The following PLCXD3 variants were observed in gnomAD, a reference collection of about 807,000 sequenced individuals.
The protein encoded by PLCXD3 is phosphatidylinositol specific phospholipase C X domain containing 3.
Under a neutral mutation model 25.5 loss-of-function variants are expected in PLCXD3, and 19 were observed. That is an observed-to-expected ratio of 0.75 (90% CI 0.52 to 1.09). PLCXD3 has a LOEUF of 1.09. PLCXD3 is among the 50% of genes least tolerant of loss of function. The pLI, the probability that PLCXD3 is intolerant of heterozygous loss-of-function variation, is 0.00. For missense variants in PLCXD3, 411 were observed against 388.1 expected, an observed-to-expected ratio of 1.06 and a Z score of -0.50; for synonymous variants, 174 against 137.6, an observed-to-expected ratio of 1.26 and a Z score of -1.85.
intron 1 of PLCXD3, among the ~76,000 whole-genome samples, chr5:41,470,745 T>G (rs1561282816): frequency 6.6e-6 from 1 of 152,084 alleles, no homozygotes; most frequent in Non-Finnish European, 1.5e-5. Flanking sequence ...AATATTATTT[T>G]CTGGGTAGTC....
chr5:41,386,368 T>C (rs1341705488), intron 1 of PLCXD3, among the ~76,000 whole-genome samples: 1 of 152,122 alleles, frequency 6.6e-6, no homozygotes, highest in Non-Finnish European at 1.5e-5. Flanking sequence ...TATTACCTTA[T>C]CTGTGTAGAA....
At chr5:41,327,846 C>A (rs1166747550) in intron 2 of PLCXD3, among the ~76,000 whole-genome samples, 1 of 152,116 alleles carries the variant, frequency 6.6e-6, no homozygotes, top group African/African-American at 2.4e-5. Context: ...CACTCTATCA[C>A]CCATGCTGCA....
intron 1 of PLCXD3, among the ~76,000 whole-genome samples, chr5:41,454,598 C>T (rs1392522954): frequency 6.6e-6 from 1 of 151,904 alleles, no homozygotes; most frequent in East Asian, 1.9e-4. Context: ...GGGATGCAAA[C>T]ATTCGGACCA....
chr5:41,437,744 G>A (rs955696423), intron 1 of PLCXD3, among the ~76,000 whole-genome samples: 2 of 152,178 alleles, frequency 1.3e-5, no homozygotes, highest in Non-Finnish European at 2.9e-5. Context: ...TGATATTCAA[G>A]CATTGGGGCA....
intron 1 of PLCXD3, among the ~76,000 whole-genome samples, chr5:41,406,861 G>C (rs923479150): frequency 5.3e-5 from 8 of 152,142 alleles, no homozygotes; most frequent in African/African-American, 1.9e-4. Flanking sequence ...ATTGGCATTT[G>C]TTAAAAAGTT....
chr5:41,337,046 G>A (rs190929356), intron 2 of PLCXD3, among the ~76,000 whole-genome samples: 1 of 152,176 alleles, frequency 6.6e-6, no homozygotes, highest in African/African-American at 2.4e-5. Flanking sequence ...ACTTAATAAG[G>A]GAGAAAAATT....
intron 2 of PLCXD3, among the ~76,000 whole-genome samples, chr5:41,363,944 G>A (rs16871287): frequency 0.037 from 5,584 of 152,174 alleles, 347 homozygotes; most frequent in African/African-American, 0.13. Flanking sequence ...CTAATCCCTG[G>A]ACAGTTGGTA....
At chr5:41,363,068 A>T (rs1744836155) in intron 2 of PLCXD3, among the ~76,000 whole-genome samples, 1 of 152,238 alleles carries the variant, frequency 6.6e-6, no homozygotes. Flanking sequence ...AAGAGGGGAC[A>T]ACTGCCTTTT....
At chr5:41,470,196 G>A (rs1748119574) in intron 1 of PLCXD3, among the ~76,000 whole-genome samples, 1 of 152,028 alleles carries the variant, frequency 6.6e-6, no homozygotes, top group African/African-American at 2.4e-5. Flanking sequence ...AAAACCATAA[G>A]AATTATGATA....
intron 1 of PLCXD3, among the ~76,000 whole-genome samples, chr5:41,401,801 G>A (rs906809848): frequency 2.6e-5 from 4 of 151,862 alleles, no homozygotes; most frequent in African/African-American, 7.3e-5. Context: ...ATTAAAATGA[G>A]GCTATTTACT....
rs199678160 is a variant in PLCXD3, at chr5:41,349,925, A to AT, written c.812+31900dup. 9.0e-3 allele frequency among the ~76,000 whole-genome samples: 1,303 copies of AT among 144,286 alleles called. 6 individuals are homozygous for AT. The highest frequency in any genetic ancestry group is 0.016 in the African/African-American group (646 of 39,690). 94.7% of individuals were successfully genotyped at this position (144,286 alleles called of 152,430 possible). A position where few individuals can be genotyped will look rare whatever the true frequency, so the allele number is the denominator to read the frequency against. On this transcript the variant is annotated intron_variant, in intron 2 of 2. Transcript: ENST00000377801. ...TGTCCTAGTAAACATGCAGGATTGG[A>AT]TTTTTTTTTTTTTTGGTAGTGCTTT...
intron 2 of PLCXD3, among the ~76,000 whole-genome samples, chr5:41,370,233 T>A (rs779522842): frequency 2.6e-5 from 4 of 152,200 alleles, no homozygotes; most frequent in Admixed American, 6.5e-5. Flanking sequence ...TTAAAATAAG[T>A]TAATTAGCAA....
At chr5:41,379,396 G>A (rs1424525043) in intron 2 of PLCXD3, among the ~76,000 whole-genome samples, 1 of 152,108 alleles carries the variant, frequency 6.6e-6, no homozygotes, top group Non-Finnish European at 1.5e-5. Context: ...TTGTTTTGAT[G>A]AATAATTTGT....
chr5:41,485,235 T>C (rs1220857155), intron 1 of PLCXD3, among the ~76,000 whole-genome samples: 1 of 152,130 alleles, frequency 6.6e-6, no homozygotes, highest in Non-Finnish European at 1.5e-5. Flanking sequence ...TCACACAGTA[T>C]CTTAGAGTGA....
intron 1 of PLCXD3, among the ~76,000 whole-genome samples, chr5:41,453,808 C>G (rs1006382054): frequency 1.3e-5 from 2 of 151,860 alleles, no homozygotes; most frequent in African/African-American, 4.8e-5. Context: ...TGTCACTTTT[C>G]CCCAGAATGG....
At chr5:41,360,738 C>T (rs903764074) in intron 2 of PLCXD3, among the ~76,000 whole-genome samples, 5 of 152,176 alleles carry the variant, frequency 3.3e-5, no homozygotes, top group African/African-American at 1.2e-4. Flanking sequence ...CCATGGATAC[C>T]AGCACCTGCT....
At chr5:41,400,881 G>A (rs779395312) in intron 1 of PLCXD3, among the ~76,000 whole-genome samples, 1 of 152,024 alleles carries the variant, frequency 6.6e-6, no homozygotes, top group Non-Finnish European at 1.5e-5. Flanking sequence ...ATAACTGTTC[G>A]AGGGGAAGGA....
chr5:41,357,545 A>G (rs916788922), intron 2 of PLCXD3, among the ~76,000 whole-genome samples: 3 of 152,216 alleles, frequency 2.0e-5, no homozygotes, highest in African/African-American at 7.2e-5. Context: ...TACAGAATTG[A>G]ATAGTGCTCC....
chr5:41,346,652 A>T (rs990334307), intron 2 of PLCXD3, among the ~76,000 whole-genome samples: 6 of 152,212 alleles, frequency 3.9e-5, no homozygotes, highest in African/African-American at 1.4e-4. Flanking sequence ...CAGAGGGATT[A>T]GGTACATTCA....
Sources: gnomAD v4.1 joint callset for allele counts (sites outside exome capture counted in the v4.1 genomes callset) on GRCh38, gnomAD v4.1.1 for gene constraint, MANE v1.5 for transcripts, NCBI Gene and HGNC (gene_info 2026-07-23, HGNC 2026-07-21) for gene names.